The following RPGRIP1 variants were observed in gnomAD, a reference collection of about 807,000 sequenced individuals.
The protein encoded by RPGRIP1 is X-linked retinitis pigmentosa GTPase regulator-interacting protein 1.
RPGRIP1 carries 128 observed loss-of-function variants against 157.9 expected under a neutral mutation model. The observed-to-expected ratio is 0.81, with a 90% CI of 0.70 to 0.94. The LOEUF (loss-of-function observed/expected upper bound fraction) is 0.94. RPGRIP1 is among the 40% of genes least tolerant of loss of function. The pLI is 0.00. For missense variants in RPGRIP1, 1,486 were observed against 1,545.8 expected (o/e 0.96, Z 0.65); for synonymous variants, 554 against 571.6 (o/e 0.97, Z 0.44).
At chr14:21,329,619 A>G (rs1317153253) in intron 19 of RPGRIP1, among the ~76,000 whole-genome samples, 1 of 148,280 alleles carries the variant, frequency 6.7e-6, no homozygotes, top group Non-Finnish European at 1.5e-5. Context: ...CTGCTGCCTC[A>G]GCCTCCCAAG....
chr14:21,294,201 C>G (rs1169515704), intron 2 of RPGRIP1, among the ~76,000 whole-genome samples: 2 of 151,102 alleles, frequency 1.3e-5, no homozygotes, highest in East Asian at 3.9e-4. Context: ...GAAAGGGTCT[C>G]CAGGGACCCA....
At chr14:21,308,557 G>A (rs994462027) in intron 7 of RPGRIP1, among the ~76,000 whole-genome samples, 1 of 152,208 alleles carries the variant, frequency 6.6e-6, no homozygotes, top group Non-Finnish European at 1.5e-5. Context: ...CCACCAGTGG[G>A]TGAGGTGCTG....
At chr14:21,302,055 G>T (rs957930782) in intron 4 of RPGRIP1, among the ~76,000 whole-genome samples, 3 of 152,074 alleles carry the variant, frequency 2.0e-5, no homozygotes, top group Admixed American at 2.0e-4. Context: ...TTTGCTTAGT[G>T]TGGTCCTATA....
intron 15 of RPGRIP1, 32 bp downstream of exon 15, chr14:21,325,102 G>C: frequency 6.4e-7 from 1 of 1,571,574 alleles, no homozygotes; most frequent in Non-Finnish European, 8.6e-7. Context: ...CGGCTCCTAA[G>C]CACCAATGCA....
intron 5 of RPGRIP1, 163 bp downstream of exon 5, chr14:21,302,747 G>T: frequency 2.9e-5 from 12 of 414,108 alleles, no homozygotes; most frequent in Non-Finnish European, 3.1e-5. Flanking sequence ...CTTAAAAGTG[G>T]AAAACAAGCG....
At chr14:21,281,302 G>A (rs891766253) in intron 1 of RPGRIP1, among the ~76,000 whole-genome samples, 25 of 152,074 alleles carry the variant, frequency 1.6e-4, no homozygotes, top group Non-Finnish European at 3.2e-4. Flanking sequence ...GATTACGGGC[G>A]TGAGCCACCA....
At chr14:21,285,541 G>A (rs1008838057) in intron 1 of RPGRIP1, among the ~76,000 whole-genome samples, 1 of 150,988 alleles carries the variant, frequency 6.6e-6, no homozygotes, top group African/African-American at 2.5e-5. Flanking sequence ...GGAGGTGGAG[G>A]TTACAGTGAG....
intron 1 of RPGRIP1, among the ~76,000 whole-genome samples, chr14:21,282,010 G>A (rs957650716): frequency 4.6e-5 from 7 of 152,134 alleles, no homozygotes; most frequent in Middle Eastern, 3.4e-3. Context: ...CAGGAGAATC[G>A]CTTGAACCCG....
intron 23 of RPGRIP1, among the ~76,000 whole-genome samples, chr14:21,347,012 G>T (rs1885635409): frequency 6.6e-6 from 1 of 152,176 alleles, no homozygotes. Context: ...TTTTGGACAT[G>T]GAAAGTGATT....
Position 21,320,174 on chromosome 14 carries a change from C to T in RPGRIP1, c.1464C>T (p.Ile488=), listed in dbSNP as rs370711678. The T allele has an allele frequency of 6.4e-5, 104 of 1,613,440 alleles. No individual in the cohort carries two copies. The highest frequency in any genetic ancestry group is 8.4e-5 in the Non-Finnish European group (99 of 1,179,732). Residue 488 remains isoleucine (I), a synonymous_variant, in exon 12 of 25, where the codon ATC becomes ATT. Transcript: ENST00000400017. ...CTGTATTGCAAGAGAACACTCAGAT[C>T]GAGGTAAGAGCCTCTTTAAACAAAC... ...HPAVLQENTQ[I]EPSEPKNQEE... is the part of the protein sequence containing the mutation.
At chr14:21,341,486 G>T (rs1031593100) in intron 21 of RPGRIP1, among the ~76,000 whole-genome samples, 2 of 152,136 alleles carry the variant, frequency 1.3e-5, no homozygotes, top group Non-Finnish European at 2.9e-5. Flanking sequence ...GAGAAGTAAG[G>T]GCATTGGCCT....
intron 14 of RPGRIP1, 101 bp downstream of exon 14, chr14:21,322,105 T>G (rs1467733826): frequency 1.0e-6 from 1 of 968,148 alleles, no homozygotes; most frequent in African/African-American, 1.6e-5. Context: ...TCTCATACCC[T>G]TAGCATATGA....
intron 19 of RPGRIP1, among the ~76,000 whole-genome samples, chr14:21,329,220 G>A (rs1883454449): frequency 6.6e-6 from 1 of 151,820 alleles, no homozygotes; most frequent in African/African-American, 2.4e-5. Context: ...TCGGGAGGCT[G>A]AGGTAGGAGA....
rs777877901 is a variant in RPGRIP1, at chr14:21,321,297, C to A, written c.1506C>A (p.Ser502=). 5 of 1,613,680 alleles carry A rather than the reference C, an allele frequency of 3.1e-6. No individual in the cohort carries two copies. The highest frequency in any genetic ancestry group is 1.6e-4 in the Middle Eastern group (1 of 6,082). ...AAAACCAAGAAGAAAAGAAACTGTC[C>A]CAGGTGCTAAATGAGTTGCAAGTAT... ...EPKNQEEKKL[S]QVLNELQVSH... The change falls in exon 13 of 25, where the codon TCC becomes TCA. Residue 502 remains serine (S), a synonymous_variant. Transcript: ENST00000400017.
Position 21,339,236 on chromosome 14 carries a change from A to C in RPGRIP1, c.3340-3800A>C, listed in dbSNP as rs879455669. ...GCCGAGGTGGGCTGATCATGAGGTCAGGAGATCGAGTCCATCCTGGCCAAC... is the reference window on the plus strand; with the variant it reads ...GCCGAGGTGGGCTGATCATGAGGTCCGGAGATCGAGTCCATCCTGGCCAAC... On this transcript the variant is annotated intron_variant, in intron 21 of 24. Transcript: ENST00000400017. Among the ~76,000 whole-genome samples the C allele has an allele frequency of 2.6e-5, 4 of 152,252 alleles. No individual in the cohort carries two copies. The East Asian group carries it at 7.7e-4, about 29-fold the overall frequency.
chr14:21,296,434 A>C (rs981971923), intron 3 of RPGRIP1, among the ~76,000 whole-genome samples: 3 of 151,278 alleles, frequency 2.0e-5, no homozygotes, highest in Admixed American at 2.0e-4. Flanking sequence ...CGGTAGTCTC[A>C]AACTCCTGAC....
In RPGRIP1 at chr14:21,343,866, G is replaced by GTTTTTTTTTTTTTTTTTTTTTTTTTTTTT. The variant is rs67535379; in HGVS notation, c.3532+651_3532+679dup. Reference sequence around the variant, plus strand: ...TGATTTTTGTTCTTCCTCTTTTCCTGTTTTTTTTTTTTTTTTTTTTTTTTT... The same window carrying GTTTTTTTTTTTTTTTTTTTTTTTTTTTTT: ...TGATTTTTGTTCTTCCTCTTTTCCTGTTTTTTTTTTTTTTTTTTTTTTTTTTTTTTTTTTTTTTTTTTTTTTTTTTTTTT... On this transcript the variant is annotated intron_variant, in intron 22 of 24. Coordinates refer to ENST00000400017, the MANE Select transcript of RPGRIP1 (RefSeq NM_020366.4). Among the ~76,000 whole-genome samples the GTTTTTTTTTTTTTTTTTTTTTTTTTTTTT allele has an allele frequency of 7.9e-5, 4 of 50,436 alleles. 1 individual carries two copies. The highest frequency in any genetic ancestry group is 1.1e-4 in the Non-Finnish European group (3 of 27,768). The allele number at this position is 50,436 out of a possible 152,430, so 33.1% of individuals were successfully genotyped here. A position where few individuals can be genotyped will look rare whatever the true frequency, so the allele number is the denominator to read the frequency against.
At chr14:21,330,121 A>C in intron 19 of RPGRIP1, 128 bp from the exon 20 acceptor site, 1 of 526,812 alleles carries the variant, frequency 1.9e-6, no homozygotes, top group African/African-American at 2.0e-5. Context: ...CTGTCTCAAA[A>C]AAATAATAAT....
chr14:21,293,774 G>A (rs1880635770), intron 2 of RPGRIP1, among the ~76,000 whole-genome samples: 1 of 152,198 alleles, frequency 6.6e-6, no homozygotes, highest in Non-Finnish European at 1.5e-5. Context: ...AGGTACTCGG[G>A]AGGCTGAGGC....
Sources: allele counts gnomAD v4.1 joint callset (sites outside exome capture counted in the v4.1 genomes callset), GRCh38; gene constraint gnomAD v4.1.1; transcripts MANE v1.5; gene names NCBI Gene and HGNC (gene_info 2026-07-23, HGNC 2026-07-21).